FCHSD2: variants seen among roughly 807,000 people sequenced by gnomAD.
The protein encoded by FCHSD2 is F-BAR and double SH3 domains protein 2.
A neutral mutation model predicts 108.1 loss-of-function variants in FCHSD2; 38 were observed. That is an observed-to-expected ratio of 0.35 (90% confidence interval 0.27 to 0.46). FCHSD2 has a LOEUF of 0.46. FCHSD2 is among the 20% of genes least tolerant of loss of function. The pLI is 1.00. For missense variants in FCHSD2, 751 were observed against 897.8 expected (o/e 0.84, Z 2.09); for synonymous variants, 279 against 314.7 (o/e 0.89, Z 1.20).
rs576524214 is a variant in FCHSD2, at chr11:72,917,078, G to A, written c.828+4750C>T. Among the ~76,000 whole-genome samples the A allele has an allele frequency of 6.0e-5, 9 of 149,238 alleles. No individual in the cohort carries two copies. The South Asian group carries it at 1.0e-3, about 17-fold the overall frequency. ...CAGCTCACTGCAACCTCCACCTTTCGGGTTCAAGCGATTCTCCTGCCTCAG... is the reference window on the plus strand; with the variant it reads ...CAGCTCACTGCAACCTCCACCTTTCAGGTTCAAGCGATTCTCCTGCCTCAG... On this transcript the variant is annotated intron_variant, in intron 9 of 19. Transcript: ENST00000409418.
chr11:73,096,049 CCTT>C (rs1463033787), intron 2 of FCHSD2, among the ~76,000 whole-genome samples: 3 of 151,248 alleles, frequency 2.0e-5, no homozygotes, highest in Non-Finnish European at 4.4e-5. Context: ...AACAAAAAAA[CCTT>C]CTCATTCAAA....
At chr11:72,940,591 C>T (rs1856395960) in intron 8 of FCHSD2, 2 of 1,425,558 alleles carry the variant, frequency 1.4e-6, no homozygotes, top group South Asian at 2.3e-5. Context: ...GCAGTACTGC[C>T]AGCTCTCTGC....
intron 8 of FCHSD2, among the ~76,000 whole-genome samples, chr11:72,927,092 T>A (rs1276172155): frequency 6.6e-6 from 1 of 152,218 alleles, no homozygotes; most frequent in African/African-American, 2.4e-5. Flanking sequence ...AACAAATGTA[T>A]TTCAGTCTTG....
intron 12 of FCHSD2, among the ~76,000 whole-genome samples, chr11:72,876,085 T>A (rs906085387): frequency 2.0e-5 from 3 of 152,168 alleles, no homozygotes; most frequent in African/African-American, 7.2e-5. Flanking sequence ...TTTGGAAGGC[T>A]GATGTGGGAG....
At chr11:72,933,920 G>A (rs1302266457) in intron 8 of FCHSD2, among the ~76,000 whole-genome samples, 1 of 151,888 alleles carries the variant, frequency 6.6e-6, no homozygotes, top group East Asian at 1.9e-4. Flanking sequence ...ACTAACTTGG[G>A]CAACACAGCA....
At chr11:73,017,350 G>A (rs1408635266) in intron 3 of FCHSD2, among the ~76,000 whole-genome samples, 1 of 152,126 alleles carries the variant, frequency 6.6e-6, no homozygotes, top group Non-Finnish European at 1.5e-5. Flanking sequence ...AATGGTTATA[G>A]AAATCATTAA....
intron 3 of FCHSD2, among the ~76,000 whole-genome samples, chr11:73,071,997 T>C (rs1236582517): frequency 1.3e-5 from 2 of 152,162 alleles, no homozygotes; most frequent in African/African-American, 2.4e-5. Context: ...AAAAATCTTA[T>C]TTTTTGATCA....
At chr11:73,140,277 T>G (rs1861216290) in intron 1 of FCHSD2, 149 bp from the exon 2 acceptor site, 2 of 537,014 alleles carry the variant, frequency 3.7e-6, no homozygotes, top group South Asian at 2.7e-5. Context: ...TTTTATTTAT[T>G]GAAGATACTT....
intron 3 of FCHSD2, among the ~76,000 whole-genome samples, chr11:73,029,951 A>T (rs1469024994): frequency 6.6e-6 from 1 of 152,180 alleles, no homozygotes; most frequent in African/African-American, 2.4e-5. Flanking sequence ...ACAAACTAGC[A>T]AAACCTCAGA....
chr11:72,925,645 A>G (rs1301021578), intron 8 of FCHSD2, among the ~76,000 whole-genome samples: 3 of 152,180 alleles, frequency 2.0e-5, no homozygotes, highest in African/African-American at 4.8e-5. Context: ...ATCATGAGAT[A>G]ATAACTGACG....
At chr11:72,880,758 T>C (rs1272585945) in intron 12 of FCHSD2, among the ~76,000 whole-genome samples, 1 of 149,470 alleles carries the variant, frequency 6.7e-6, no homozygotes, top group Admixed American at 6.7e-5. Flanking sequence ...TTACTAAAAA[T>C]ACAAAAACTC....
At chr11:73,084,818 G>A (rs1197653802) in intron 2 of FCHSD2, among the ~76,000 whole-genome samples, 2 of 152,156 alleles carry the variant, frequency 1.3e-5, no homozygotes, top group African/African-American at 2.4e-5. Flanking sequence ...CATAGGCATT[G>A]TAGAGTCAAC....
chr11:73,018,938 A>G (rs183096908), intron 3 of FCHSD2, among the ~76,000 whole-genome samples: 1 of 152,336 alleles, frequency 6.6e-6, no homozygotes, highest in African/African-American at 2.4e-5. Flanking sequence ...GGGTTCAATT[A>G]AGTCAAGATC....
At chr11:73,084,343 T>C (rs1425890105) in intron 2 of FCHSD2, among the ~76,000 whole-genome samples, 1 of 152,214 alleles carries the variant, frequency 6.6e-6, no homozygotes, top group Non-Finnish European at 1.5e-5. Context: ...GAGCACACTT[T>C]CCATACATGT....
intron 2 of FCHSD2, among the ~76,000 whole-genome samples, chr11:73,128,426 A>G (rs1860910493): frequency 1.3e-5 from 2 of 152,204 alleles, no homozygotes; most frequent in South Asian, 4.1e-4. Flanking sequence ...TACCTCCAAG[A>G]AGATCACATT....
At chr11:73,088,641 C>T (rs118125226) in intron 2 of FCHSD2, among the ~76,000 whole-genome samples, 2,457 of 152,100 alleles carry the variant, frequency 0.016, 35 homozygotes, top group Middle Eastern at 0.031. Context: ...TAAACATGTA[C>T]ACACACTTTT....
chr11:72,862,879 A>C (rs988244062), intron 13 of FCHSD2, among the ~76,000 whole-genome samples: 1 of 152,220 alleles, frequency 6.6e-6, no homozygotes, highest in South Asian at 2.1e-4. Context: ...CTGGACAAAC[A>C]GATCAATAGA....
At chr11:73,024,614 T>C (rs997317586) in intron 3 of FCHSD2, among the ~76,000 whole-genome samples, 7 of 151,966 alleles carry the variant, frequency 4.6e-5, no homozygotes, top group East Asian at 1.9e-4. Context: ...TTTGTTGCAA[T>C]TGCAACAAAA....
chr11:73,030,716 G>A (rs1304049164), intron 3 of FCHSD2, among the ~76,000 whole-genome samples: 9 of 151,970 alleles, frequency 5.9e-5, no homozygotes, highest in South Asian at 2.1e-4. Context: ...TATTTAAGAC[G>A]TACAACATGA....
Sources: gnomAD v4.1 joint callset for allele counts (sites outside exome capture counted in the v4.1 genomes callset) on GRCh38, gnomAD v4.1.1 for gene constraint, MANE v1.5 for transcripts, NCBI Gene and HGNC (gene_info 2026-07-23, HGNC 2026-07-21) for gene names.